The following DLGAP2 variants were observed in gnomAD, a reference collection of about 807,000 sequenced individuals.
The protein encoded by DLGAP2 is disks large-associated protein 2.
DLGAP2 carries 26 observed loss-of-function variants against 100.3 expected under a neutral mutation model. The ratio of observed to expected loss-of-function variants is 0.26; its 90% CI spans 0.19 to 0.36. The LOEUF is 0.36. Ranked by LOEUF, DLGAP2 falls within the 10% of genes least tolerant of loss-of-function variation. The probability of loss-of-function intolerance (pLI) is 1.00; values close to 1 mark genes in which losing one functional copy is unlikely to be tolerated. For missense variants in DLGAP2, 1,858 were observed against 1,453.2 expected (o/e 1.28, Z -4.53); for synonymous variants, 886 against 630.1 (o/e 1.41, Z -6.08).
intron 3 of DLGAP2, among the ~76,000 whole-genome samples, chr8:1,320,234 G>A (rs953151626): frequency 6.6e-6 from 1 of 152,028 alleles, no homozygotes; most frequent in Non-Finnish European, 1.5e-5. Flanking sequence ...TGATTTGCAG[G>A]GGAAAGTTAT....
At chr8:1,332,463 A>G (rs1801181137) in intron 3 of DLGAP2, among the ~76,000 whole-genome samples, 1 of 151,976 alleles carries the variant, frequency 6.6e-6, no homozygotes. Flanking sequence ...CTGCATGAGT[A>G]TATGCATGTG....
At chr8:1,239,589 T>TCTCTC in intron 2 of DLGAP2, among the ~76,000 whole-genome samples, 1 of 100,778 alleles carries the variant, frequency 9.9e-6, no homozygotes, top group Non-Finnish European at 1.9e-5. Flanking sequence ...CGTGTCTAGT[T>TCTCTC]ACCTATCACA....
intron 2 of DLGAP2, among the ~76,000 whole-genome samples, chr8:1,044,303 A>T (rs978365841): frequency 1.3e-5 from 2 of 151,116 alleles, no homozygotes; most frequent in Non-Finnish European, 3.0e-5. Context: ...ATGATTGCAA[A>T]CTCTCCCTGG....
At chr8:1,380,151 A>G (rs1796058636) in intron 3 of DLGAP2, 2 of 152,074 alleles carry the variant, frequency 1.3e-5, no homozygotes, top group Admixed American at 1.3e-4. Flanking sequence ...TTCAATAAAC[A>G]CTTTCAAATG....
At chr8:1,248,914 T>C (rs1175589720) in intron 2 of DLGAP2, among the ~76,000 whole-genome samples, 2 of 152,062 alleles carry the variant, frequency 1.3e-5, no homozygotes, top group Non-Finnish European at 2.9e-5. Flanking sequence ...CATAAATAAG[T>C]GAAGGTGAAA....
chr8:1,116,201 G>T (rs767354551), intron 2 of DLGAP2, among the ~76,000 whole-genome samples: 8 of 152,218 alleles, frequency 5.3e-5, no homozygotes, highest in Non-Finnish European at 7.3e-5. Context: ...GGCCTTCCGT[G>T]TGAGAAGGGA....
chr8:989,891 C>G (rs1379341658), intron 2 of DLGAP2, among the ~76,000 whole-genome samples: 2 of 151,682 alleles, frequency 1.3e-5, no homozygotes, highest in African/African-American at 2.4e-5. Context: ...TATGATTTTT[C>G]TAAGTCTTTT....
intron 3 of DLGAP2, among the ~76,000 whole-genome samples, chr8:1,368,027 G>A (rs1802147983): frequency 6.6e-6 from 1 of 152,154 alleles, no homozygotes; most frequent in Admixed American, 6.5e-5. Flanking sequence ...GTTTTATTTT[G>A]GGGATTGACT....
chr8:1,410,443 A>G (rs561754389), intron 3 of DLGAP2, among the ~76,000 whole-genome samples: 33 of 152,314 alleles, frequency 2.2e-4, no homozygotes, highest in African/African-American at 7.9e-4. Context: ...CTCAGTTCAC[A>G]TAATTCTGTA....
At chr8:1,103,225 G>A (rs1028475441) in intron 2 of DLGAP2, among the ~76,000 whole-genome samples, 23 of 152,278 alleles carry the variant, frequency 1.5e-4, no homozygotes, top group Admixed American at 4.6e-4. Context: ...TGCCCTGGGC[G>A]TCGTCTGGGG....
intron 2 of DLGAP2, among the ~76,000 whole-genome samples, chr8:936,536 A>G (rs1170093234): frequency 6.6e-6 from 1 of 152,176 alleles, no homozygotes; most frequent in Non-Finnish European, 1.5e-5. Flanking sequence ...GCTGGGGTGT[A>G]GAGATCTTGT....
At chr8:1,204,766 A>AT (rs1187753677) in intron 2 of DLGAP2, among the ~76,000 whole-genome samples, 11 of 152,164 alleles carry the variant, frequency 7.2e-5, no homozygotes, top group African/African-American at 2.4e-4. Context: ...GGAAGAGGGA[A>AT]GAAAAAATCT....
At chr8:770,727 G>C (rs1821334403) in intron 1 of DLGAP2, among the ~76,000 whole-genome samples, 1 of 152,110 alleles carries the variant, frequency 6.6e-6, no homozygotes, top group Non-Finnish European at 1.5e-5. Flanking sequence ...GGTTCAGGGG[G>C]TTATGCTTGC....
intron 4 of DLGAP2, among the ~76,000 whole-genome samples, chr8:1,523,758 A>G (rs191809028): frequency 3.3e-5 from 5 of 152,292 alleles, no homozygotes; most frequent in African/African-American, 1.2e-4. Context: ...CCTTCGTTAC[A>G]TCCCTAAAAG....
At chr8:1,425,270 A>G (rs893669336) in intron 3 of DLGAP2, among the ~76,000 whole-genome samples, 1 of 152,204 alleles carries the variant, frequency 6.6e-6, no homozygotes, top group Non-Finnish European at 1.5e-5. Context: ...TAAAGAATAT[A>G]AAAGACTTAG....
In DLGAP2 at chr8:1,386,201, C is replaced by T. The variant is rs542513319; in HGVS notation, c.107-115165C>T. On this transcript the variant is annotated intron_variant, in intron 3 of 14. Transcript: ENST00000637795. ...TATGATGACAAAGCTCTCAAAAGAG[C>T]ATAGAGAAAGCAGAGTGGGGAAATG... 3.4e-4 allele frequency among the ~76,000 whole-genome samples: 52 copies of T among 152,252 alleles called. 1 individual carries two copies. Among genetic ancestry groups the T allele is most frequent in the African/African-American group, 1.2e-3 (48 of 41,544 alleles).
At chr8:1,328,837 C>A (rs147564081) in intron 3 of DLGAP2, among the ~76,000 whole-genome samples, 2 of 152,150 alleles carry the variant, frequency 1.3e-5, no homozygotes, top group African/African-American at 2.4e-5. Flanking sequence ...TGAGAAAGGC[C>A]GAACACAGAT....
chr8:1,695,041 G>A (rs1297827529), intron 13 of DLGAP2, among the ~76,000 whole-genome samples: 1 of 152,188 alleles, frequency 6.6e-6, no homozygotes, highest in Non-Finnish European at 1.5e-5. Context: ...GCCGAGGAGA[G>A]GAGGGGGGCA....
At chr8:1,253,038 C>T (rs144054309) in intron 2 of DLGAP2, among the ~76,000 whole-genome samples, 23 of 152,338 alleles carry the variant, frequency 1.5e-4, no homozygotes, top group Middle Eastern at 3.4e-3. Flanking sequence ...CGCTGTCCCT[C>T]CGCTGCTTGC....
Sources: allele counts gnomAD v4.1 joint callset (sites outside exome capture counted in the v4.1 genomes callset), GRCh38; gene constraint gnomAD v4.1.1; transcripts MANE v1.5; gene names NCBI Gene and HGNC (gene_info 2026-07-23, HGNC 2026-07-21).